The following CFTR variants were observed in gnomAD, a reference collection of about 807,000 sequenced individuals.
CFTR encodes the protein CF transmembrane conductance regulator.
Under a neutral mutation model 171.6 loss-of-function variants are expected in CFTR, and 181 were observed. The observed-to-expected ratio is 1.05, with a 90% CI of 0.93 to 1.19. CFTR has a LOEUF of 1.19. CFTR is among the 50% of genes most tolerant of loss of function. The pLI is 0.00. For missense variants in CFTR, 1,968 were observed against 1,734.7 expected, an observed-to-expected ratio of 1.13 and a Z score of -2.39; for synonymous variants, 583 against 608.0, an observed-to-expected ratio of 0.96 and a Z score of 0.60.
intron 11 of CFTR, among the ~76,000 whole-genome samples, chr7:117,571,801 C>T (rs1402169780): frequency 2.0e-5 from 3 of 151,894 alleles, no homozygotes; most frequent in Non-Finnish European, 2.9e-5. Context: ...GTTACATATA[C>T]TTACAACTTC....
At chr7:117,665,060 T>C (rs1793350888) in intron 25 of CFTR, among the ~76,000 whole-genome samples, 200 bp downstream of exon 25, 1 of 152,224 alleles carries the variant, frequency 6.6e-6, no homozygotes, top group Non-Finnish European at 1.5e-5. Flanking sequence ...CCGAAGATAG[T>C]TTTTAGTTTC....
chr7:117,654,927 G>T (rs746892875), intron 24 of CFTR, among the ~76,000 whole-genome samples: 2 of 152,106 alleles, frequency 1.3e-5, no homozygotes, highest in Non-Finnish European at 2.9e-5. Context: ...GATGGGAAAG[G>T]CAGCTTGGAA....
intron 19 of CFTR, among the ~76,000 whole-genome samples, chr7:117,610,923 G>C (rs1018989934): frequency 1.3e-5 from 2 of 152,074 alleles, no homozygotes; most frequent in Non-Finnish European, 2.9e-5. Context: ...ACCACAGTTG[G>C]TGTACAGGAC....
Position 117,592,628 on chromosome 7 carries a change from A to G in CFTR, c.2461A>G (p.Ser821Gly). 3 of 1,541,088 alleles carry G rather than the reference A, an allele frequency of 1.9e-6. No individual in the cohort carries two copies. Among genetic ancestry groups the G allele is most frequent in the Non-Finnish European group, 8.7e-7 (1 of 1,151,960 alleles). The change falls in exon 14 of 27, where the codon AGT becomes GGT. Residue 821 changes from serine (S) to glycine (G), a missense_variant. Ser to Gly is a moderately conservative substitution (Grantham distance 56, BLOSUM62 0). Transcript: ENST00000003084. ...ATCTCAAGAAACTGGCTTGGAAATA[A>G]GTGAAGAAATTAACGAAGAAGACTT... ...RLSQETGLEI[S>G]EEINEEDLKE...
chr7:117,665,480 A>T lies in CFTR; in HGVS notation c.4158A>T (p.Arg1386Ser). ...LDPVTYQIIRRTLKQAFADCT... is the reference protein window; with the variant it reads ...LDPVTYQIIRSTLKQAFADCT... ...CTAGAACATACCAAATAATTAGAAG[A>T]ACTCTAAAACAAGCATTTGCTGATT... is the stretch of plus-strand genomic sequence containing the variant. The change falls in exon 26 of 27, where the codon AGA becomes AGT. Residue 1386 changes from arginine (R) to serine (S), a missense_variant. Physicochemically the swap from Arg to Ser is moderately radical, Grantham distance 110. Transcript: ENST00000003084. 1 of 1,609,126 alleles carries T rather than the reference A, an allele frequency of 6.2e-7. No homozygotes were observed. Among genetic ancestry groups the T allele is most frequent in the Middle Eastern group, 1.7e-4 (1 of 6,040 alleles).
chr7:117,666,536 G>C (rs1228071006), intron 26 of CFTR, among the ~76,000 whole-genome samples: 2 of 152,080 alleles, frequency 1.3e-5, no homozygotes, highest in African/African-American at 4.8e-5. Flanking sequence ...TGACCAATTT[G>C]GAATTCTTAA....
intron 24 of CFTR, among the ~76,000 whole-genome samples, chr7:117,656,642 T>C (rs1793187861): frequency 6.6e-6 from 1 of 152,164 alleles, no homozygotes; most frequent in Admixed American, 6.6e-5. Flanking sequence ...ACTTATAATT[T>C]TAAAAAATAA....
At chr7:117,556,835 T>C (rs899974624) in intron 10 of CFTR, among the ~76,000 whole-genome samples, 1 of 152,096 alleles carries the variant, frequency 6.6e-6, no homozygotes, top group Non-Finnish European at 1.5e-5. Context: ...ATTTCTTATA[T>C]CGTATTTTTG....
chr7:117,644,452 A>G (rs1792967720), intron 23 of CFTR, among the ~76,000 whole-genome samples: 1 of 152,114 alleles, frequency 6.6e-6, no homozygotes, highest in South Asian at 2.1e-4. Context: ...TTAAAAATCC[A>G]AAGAAAATTA....
At position 117,496,229 on chromosome 7, in the gene CFTR, G is replaced by A. The variant is rs181360386; in HGVS notation, c.54-8024G>A. On this transcript the variant is annotated intron_variant, in intron 1 of 26. Transcript: ENST00000003084. ...TTCTTTTTTATTTTTTTAGAGACAG[G>A]GCCTTGCTCTGTTGCCCAGGTTGGA... Among the ~76,000 whole-genome samples the A allele has an allele frequency of 1.8e-3, 272 of 151,930 alleles. 1 individual carries two copies. The highest frequency in any genetic ancestry group is 6.3e-3 in the African/African-American group (261 of 41,446).
chr7:117,668,418 G>A lies in CFTR; in HGVS notation c.*1310G>A, dbSNP rs1793420580. The A allele has an allele frequency of 1.3e-5, 2 of 152,448 alleles. No homozygotes were observed. Among genetic ancestry groups the A allele is most frequent in the Admixed American group, 1.3e-4 (2 of 15,294 alleles). 9.4% of individuals were successfully genotyped at this position (152,448 alleles called of 1,614,324 possible). A position where few individuals can be genotyped will look rare whatever the true frequency, so the allele number is the denominator to read the frequency against. The stretch of plus-strand genomic sequence containing the variant: ...GAACCTAGGGTGATATTAACCAGGG[G>A]CCATGAATCACCTTTTGGTCTGGAG... On this transcript the variant is annotated 3_prime_UTR_variant, in exon 27 of 27. Transcript: ENST00000003084.
At chr7:117,595,980 C>T (rs1792115895) in intron 15 of CFTR, among the ~76,000 whole-genome samples, 1 of 152,240 alleles carries the variant, frequency 6.6e-6, no homozygotes, top group Non-Finnish European at 1.5e-5. Context: ...GAGGTGACAG[C>T]ATGCTGGCAG....
At chr7:117,562,937 C>T (rs1791538905) in intron 11 of CFTR, among the ~76,000 whole-genome samples, 1 of 152,094 alleles carries the variant, frequency 6.6e-6, no homozygotes, top group African/African-American at 2.4e-5. Context: ...CAGACAGAAC[C>T]AGAGTGTAAA....
intron 11 of CFTR, among the ~76,000 whole-genome samples, chr7:117,562,823 G>C (rs1791536936): frequency 6.6e-6 from 1 of 152,144 alleles, no homozygotes; most frequent in Non-Finnish European, 1.5e-5. Context: ...TGCCTTGAAG[G>C]CTGAGTCAAA....
chr7:117,503,925 A>G (rs1798371727), intron 1 of CFTR, among the ~76,000 whole-genome samples: 2 of 152,152 alleles, frequency 1.3e-5, no homozygotes, highest in Admixed American at 6.5e-5. Context: ...CTGCTAGTAT[A>G]TGATTATTTG....
intron 25 of CFTR, among the ~76,000 whole-genome samples, chr7:117,665,061 T>C (rs1793350924): frequency 6.6e-6 from 1 of 152,218 alleles, no homozygotes; most frequent in Non-Finnish European, 1.5e-5. Flanking sequence ...CGAAGATAGT[T>C]TTTAGTTTCA....
At chr7:117,584,939 G>A (rs1027132580) in intron 11 of CFTR, among the ~76,000 whole-genome samples, 1 of 149,508 alleles carries the variant, frequency 6.7e-6, no homozygotes. Context: ...TGTTTGTTTT[G>A]TTTTGTTTTG....
rs1162639373 is a variant in CFTR at position 117,513,370 on chromosome 7, T to G, written c.273+4228T>G. ...AATCGTTGGCAGCCCACAGAGAAAA[T>G]AGATGGAGAATGTTTCTTTTCAGAC... On this transcript the variant is annotated intron_variant, in intron 3 of 26. Coordinates refer to ENST00000003084, the MANE Select transcript of CFTR (RefSeq NM_000492.4). Among the ~76,000 whole-genome samples, 25 of 147,142 alleles carry G rather than the reference T, an allele frequency of 1.7e-4. 1 individual carries two copies. The highest frequency in any genetic ancestry group is 2.1e-4 in the Non-Finnish European group (14 of 67,140).
chr7:117,524,441 G>C (rs1289860300), intron 3 of CFTR, among the ~76,000 whole-genome samples: 6 of 150,226 alleles, frequency 4.0e-5, no homozygotes, highest in African/African-American at 1.5e-4. Flanking sequence ...ATTGACATTT[G>C]TCTATGAAAA....
Sources: gnomAD v4.1 joint callset for allele counts (sites outside exome capture counted in the v4.1 genomes callset) on GRCh38, gnomAD v4.1.1 for gene constraint, MANE v1.5 for transcripts, NCBI Gene and HGNC (gene_info 2026-07-23, HGNC 2026-07-21) for gene names.